The following ZBTB20 variants were observed in gnomAD, a reference collection of about 807,000 sequenced individuals.
ZBTB20 encodes zinc finger and BTB domain containing 20, also known as zinc finger and BTB domain-containing protein 20.
Under a neutral mutation model 56.9 loss-of-function variants are expected in ZBTB20, and 9 were observed. The ratio of observed to expected loss-of-function variants is 0.16; its 90% CI spans 0.10 to 0.28. ZBTB20 has a LOEUF of 0.28. Among genes scored for constraint, ZBTB20 ranks in the 10% least tolerant of loss-of-function variants. The pLI is 1.00. For missense variants in ZBTB20, 655 were observed against 1,003.0 expected, an observed-to-expected ratio of 0.65 and a Z score of 4.69; for synonymous variants, 417 against 420.7, an observed-to-expected ratio of 0.99 and a Z score of 0.11.
intron 1 of ZBTB20, among the ~76,000 whole-genome samples, chr3:115,074,310 G>T (rs546376593): frequency 1.6e-4 from 25 of 152,262 alleles, no homozygotes; most frequent in Admixed American, 9.2e-4. Flanking sequence ...TTCATTAACT[G>T]CCTGATAGGT....
chr3:114,341,852 CCT>C (rs948474117), intron 11 of ZBTB20, among the ~76,000 whole-genome samples: 7 of 152,292 alleles, frequency 4.6e-5, no homozygotes, highest in Middle Eastern at 3.4e-3. Flanking sequence ...GACTGCAACC[CCT>C]GAGGACTCTA....
intron 2 of ZBTB20, among the ~76,000 whole-genome samples, chr3:114,975,299 T>A (rs910577673): frequency 6.6e-6 from 1 of 152,198 alleles, no homozygotes; most frequent in Admixed American, 6.5e-5. Context: ...ATGATGACCT[T>A]GATGCCACAT....
intron 4 of ZBTB20, among the ~76,000 whole-genome samples, chr3:114,838,365 A>C (rs187344452): frequency 6.6e-6 from 1 of 152,346 alleles, no homozygotes; most frequent in African/African-American, 2.4e-5. Flanking sequence ...AACCAAAAAG[A>C]CTAATAAAAT....
chr3:114,446,401 T>A (rs2091273660), intron 7 of ZBTB20, among the ~76,000 whole-genome samples: 2 of 152,166 alleles, frequency 1.3e-5, no homozygotes, highest in South Asian at 4.1e-4. Context: ...TGGAATTGAT[T>A]CTGAGTTTCC....
At chr3:115,079,559 T>C (rs1228153849) in intron 1 of ZBTB20, among the ~76,000 whole-genome samples, 2 of 152,054 alleles carry the variant, frequency 1.3e-5, no homozygotes. Context: ...CAGGTAATTT[T>C]TGTATTATTG....
chr3:115,070,448 A>G (rs1037111490), intron 2 of ZBTB20, among the ~76,000 whole-genome samples: 26 of 152,276 alleles, frequency 1.7e-4, no homozygotes, highest in African/African-American at 5.5e-4. Flanking sequence ...TAAACAGATG[A>G]ACAGAAACAC....
intron 6 of ZBTB20, among the ~76,000 whole-genome samples, chr3:114,602,460 T>C (rs1438591940): frequency 2.6e-5 from 4 of 152,160 alleles, no homozygotes; most frequent in African/African-American, 2.4e-5. Context: ...GATTCTTTGA[T>C]AGAAGGTGTT....
At chr3:114,465,248 G>A (rs536714037) in intron 7 of ZBTB20, among the ~76,000 whole-genome samples, 15 of 152,122 alleles carry the variant, frequency 9.9e-5, no homozygotes, top group East Asian at 3.9e-4. Context: ...ATATTAATTC[G>A]TACATATTTT....
At chr3:114,842,288 A>G (rs1184705594) in intron 4 of ZBTB20, among the ~76,000 whole-genome samples, 2 of 151,988 alleles carry the variant, frequency 1.3e-5, no homozygotes, top group Non-Finnish European at 2.9e-5. Flanking sequence ...TTTTTGCATT[A>G]TATTATATTA....
chr3:115,078,867 C>T (rs1464161111), intron 1 of ZBTB20, among the ~76,000 whole-genome samples: 1 of 151,858 alleles, frequency 6.6e-6, no homozygotes, highest in African/African-American at 2.4e-5. Context: ...TTTTGATATT[C>T]CTTTTCTTTA....
At position 114,321,888 on chromosome 3, in the gene ZBTB20, C is replaced by T. The variant is rs2078906573; in HGVS notation, c.*17117G>A. Reference sequence around the variant, plus strand: ...TCAAACCTCCTCAGAAGACTGGAGGCAATGGTACAGAAAAGCGTAACTGAA... The same window carrying T: ...TCAAACCTCCTCAGAAGACTGGAGGTAATGGTACAGAAAAGCGTAACTGAA... On this transcript the variant is annotated 3_prime_UTR_variant, in exon 12 of 12. Coordinates refer to ENST00000675478, the MANE Select transcript of ZBTB20 (RefSeq NM_001348800.3). 6.6e-6 allele frequency: 1 copy of T among 152,176 alleles called. No individual in the cohort carries two copies. The highest frequency in any genetic ancestry group is 2.4e-5 in the African/African-American group (1 of 41,442). The allele number at this position is 152,176 out of a possible 1,614,324, so 9.4% of individuals were successfully genotyped here.
In ZBTB20 at chr3:114,339,127, C is replaced by T; in HGVS notation, c.2104G>A (p.Gly702Ser). 1 of 1,611,490 alleles carries T rather than the reference C, an allele frequency of 6.2e-7. No individual in the cohort carries two copies. Among genetic ancestry groups the T allele is most frequent in the South Asian group, 1.1e-5 (1 of 90,836 alleles). ...PAGTPPGARA[G>S]PPGVVACTEG... is the part of the protein sequence containing the mutation. ...GTGCAGGCCACCACGCCTGGGGGGCCAGCGCGGGCACCTGGGGGTGTGCCT... is the reference window on the plus strand; with the variant it reads ...GTGCAGGCCACCACGCCTGGGGGGCTAGCGCGGGCACCTGGGGGTGTGCCT... Residue 702 changes from glycine to serine, a missense_variant, in exon 12 of 12, where the codon GGC (glycine) becomes AGC (serine). Gly to Ser is a moderately conservative substitution (Grantham distance 56). Transcript: ENST00000675478. This position sits in a 1 kb window ranked among gnomAD's most constrained non-coding sequence, Gnocchi z 4.2.
At chr3:115,069,339 C>T (rs186878332) in intron 2 of ZBTB20, among the ~76,000 whole-genome samples, 35 of 152,168 alleles carry the variant, frequency 2.3e-4, no homozygotes, top group African/African-American at 7.9e-4. Flanking sequence ...CGGGAGAGAA[C>T]TGTGTGAAGC....
At chr3:114,405,332 A>G (rs1278459027) in intron 7 of ZBTB20, among the ~76,000 whole-genome samples, 1 of 152,162 alleles carries the variant, frequency 6.6e-6, no homozygotes, top group Non-Finnish European at 1.5e-5. Flanking sequence ...TAGAGAGAAC[A>G]TGGGGCATAG....
intron 6 of ZBTB20, among the ~76,000 whole-genome samples, chr3:114,672,696 G>A (rs1167311889): frequency 6.6e-6 from 1 of 152,080 alleles, no homozygotes; most frequent in Non-Finnish European, 1.5e-5. Context: ...TCCCTTTCCT[G>A]GAAGCGCTGT....
At chr3:114,591,246 T>A (rs1577809686) in intron 6 of ZBTB20, among the ~76,000 whole-genome samples, 3 of 152,222 alleles carry the variant, frequency 2.0e-5, no homozygotes, top group African/African-American at 7.2e-5. Flanking sequence ...AAGTATGTAA[T>A]CTATGCTCAT....
At position 114,555,025 on chromosome 3, in the gene ZBTB20, C is replaced by T. The variant is rs539497945; in HGVS notation, c.-294-54634G>A. On this transcript the variant is annotated intron_variant, in intron 6 of 11. Transcript: ENST00000675478. ...AACACTAATTCCCAGCTCCAGCATACCAGAAAACTAGAGACAGAGAAGTGC... is the reference window on the plus strand; with the variant it reads ...AACACTAATTCCCAGCTCCAGCATATCAGAAAACTAGAGACAGAGAAGTGC... Among the ~76,000 whole-genome samples, 3 of 152,204 alleles carry T rather than the reference C, an allele frequency of 2.0e-5. No homozygotes were observed. In the South Asian group the frequency reaches 6.2e-4, roughly 32 times the overall value.
intron 1 of ZBTB20, among the ~76,000 whole-genome samples, chr3:115,140,892 A>G (rs905271363): frequency 2.6e-5 from 4 of 152,120 alleles, no homozygotes; most frequent in East Asian, 1.9e-4. Flanking sequence ...CTTAAAGTGC[A>G]TATCTGTGAG....
intron 6 of ZBTB20, among the ~76,000 whole-genome samples, chr3:114,609,205 A>G (rs1364780398): frequency 6.6e-6 from 1 of 152,254 alleles, no homozygotes; most frequent in African/African-American, 2.4e-5. Context: ...TAAATGGATA[A>G]CAAGAAAACT....
Sources: allele counts gnomAD v4.1 joint callset (sites outside exome capture counted in the v4.1 genomes callset), GRCh38; gene constraint gnomAD v4.1.1; non-coding constraint Gnocchi (gnomAD v3.1); transcripts MANE v1.5; gene names NCBI Gene and HGNC (gene_info 2026-07-23, HGNC 2026-07-21).